ZNF280D: variants seen among roughly 807,000 people sequenced by gnomAD.
ZNF280D encodes zinc finger protein 280D.
ZNF280D carries 39 observed loss-of-function variants against 94.7 expected under a neutral mutation model. The observed-to-expected ratio is 0.41, with a 90% CI of 0.32 to 0.54. The LOEUF is 0.54. Ranked by LOEUF, ZNF280D falls within the 20% of genes least tolerant of loss-of-function variation. ZNF280D has a pLI of 0.22. For missense variants in ZNF280D, 1,090 were observed against 1,149.3 expected, an observed-to-expected ratio of 0.95 and a Z score of 0.75; for synonymous variants, 398 against 377.6, an observed-to-expected ratio of 1.05 and a Z score of -0.63.
intron 16 of ZNF280D, among the ~76,000 whole-genome samples, chr15:56,665,651 T>C (rs1390173257): frequency 7.4e-6 from 1 of 135,802 alleles, no homozygotes; most frequent in African/African-American, 2.7e-5. Context: ...AAGTGACTGC[T>C]TTAAAGAGGA....
At chr15:56,723,620 GT>G (rs1374995874) in intron 1 of ZNF280D, among the ~76,000 whole-genome samples, 2 of 151,992 alleles carry the variant, frequency 1.3e-5, no homozygotes, top group Non-Finnish European at 2.9e-5. Flanking sequence ...ATCCCTGGAG[GT>G]TTTTTTCAAT....
chr15:56,651,743 T>C (rs1396495779), intron 19 of ZNF280D, among the ~76,000 whole-genome samples: 4 of 152,096 alleles, frequency 2.6e-5, no homozygotes, highest in African/African-American at 9.7e-5. Flanking sequence ...TATTGTATTG[T>C]TTTTTATTTG....
chr15:56,667,198 TC>T (rs1165557284), intron 14 of ZNF280D, among the ~76,000 whole-genome samples: 2 of 152,218 alleles, frequency 1.3e-5, no homozygotes, highest in African/African-American at 4.8e-5. Flanking sequence ...TGTATTGATA[TC>T]AGTTATATGT....
At chr15:56,668,673 T>A (rs1596418433) in intron 14 of ZNF280D, 150 bp downstream of exon 14, 2 of 681,236 alleles carry the variant, frequency 2.9e-6, no homozygotes, top group East Asian at 6.3e-5. Context: ...TGGTTAGAAG[T>A]TTTTCCTTCT....
chr15:56,673,709 C>A (rs989229443), intron 13 of ZNF280D, among the ~76,000 whole-genome samples: 2 of 151,922 alleles, frequency 1.3e-5, no homozygotes, highest in Non-Finnish European at 2.9e-5. Flanking sequence ...TCCTATTATT[C>A]TTCCTCCTAT....
chr15:56,703,736 G>T (rs1174146390), intron 4 of ZNF280D, among the ~76,000 whole-genome samples: 1 of 151,794 alleles, frequency 6.6e-6, no homozygotes, highest in Non-Finnish European at 1.5e-5. Flanking sequence ...TGCCTGTAGT[G>T]CCAGCTACTT....
At chr15:56,697,261 T>C (rs1270799624) in intron 6 of ZNF280D, among the ~76,000 whole-genome samples, 1 of 152,112 alleles carries the variant, frequency 6.6e-6, no homozygotes, top group Non-Finnish European at 1.5e-5. Context: ...CTTAGCTCAC[T>C]GCAACCTCCG....
intron 1 of ZNF280D, among the ~76,000 whole-genome samples, chr15:56,718,830 C>G (rs2058185861): frequency 6.6e-6 from 1 of 152,154 alleles, no homozygotes; most frequent in African/African-American, 2.4e-5. Flanking sequence ...CCCCAAAAAC[C>G]CTCCCAATAG....
chr15:56,693,461 ATTAC>A (rs2056542443), intron 6 of ZNF280D, among the ~76,000 whole-genome samples: 1 of 152,028 alleles, frequency 6.6e-6, no homozygotes, highest in South Asian at 2.1e-4. Flanking sequence ...AAAGCAAGCT[ATTAC>A]TTAGAGCTGG....
At chr15:56,645,170 T>C (rs569906262) in intron 19 of ZNF280D, 1 of 152,280 alleles carries the variant, frequency 6.6e-6, no homozygotes, top group African/African-American at 2.4e-5. Context: ...CCTGCTGAAA[T>C]AGTCATTATT....
chr15:56,669,175 A>G (rs151251520), intron 13 of ZNF280D, among the ~76,000 whole-genome samples: 6 of 152,186 alleles, frequency 3.9e-5, no homozygotes, highest in South Asian at 2.1e-4. Context: ...AGAACTGTAC[A>G]TGAAAGTTCT....
intron 21 of ZNF280D, chr15:56,634,183 A>G (rs1201311744): frequency 6.6e-6 from 1 of 152,166 alleles, no homozygotes; most frequent in Non-Finnish European, 1.5e-5. Flanking sequence ...TTAGTGGTAG[A>G]AAGATTCTGA....
chr15:56,690,994 C>T (rs1442532199), intron 7 of ZNF280D, among the ~76,000 whole-genome samples: 3 of 152,262 alleles, frequency 2.0e-5, no homozygotes, highest in South Asian at 4.1e-4. Flanking sequence ...CTCTAAGCCT[C>T]AGTTTGCTTT....
chr15:56,665,793 A>C (rs1291442387), intron 16 of ZNF280D, among the ~76,000 whole-genome samples: 2 of 151,970 alleles, frequency 1.3e-5, no homozygotes, highest in Non-Finnish European at 2.9e-5. Context: ...TTCTGTTGGA[A>C]AGTAACCATT....
chr15:56,690,564 G>A (rs2056368189), intron 7 of ZNF280D, among the ~76,000 whole-genome samples: 1 of 151,894 alleles, frequency 6.6e-6, no homozygotes, highest in African/African-American at 2.4e-5. Context: ...TTTAAATTTT[G>A]CATAAAATTT....
At chr15:56,714,927 T>A (rs1001921124) in intron 1 of ZNF280D, among the ~76,000 whole-genome samples, 2 of 152,138 alleles carry the variant, frequency 1.3e-5, no homozygotes, top group Admixed American at 6.6e-5. Flanking sequence ...AAAAGGATCC[T>A]ATCTCAAAAA....
Position 56,657,759 on chromosome 15 carries a change from A to C in ZNF280D, c.2057+665T>G, listed in dbSNP as rs575379541. 3.9e-5 allele frequency among the ~76,000 whole-genome samples: 6 copies of C among 152,280 alleles called. No individual in the cohort carries two copies. In the South Asian group the frequency reaches 1.2e-3, roughly 32 times the overall value. On this transcript the variant is annotated intron_variant, in intron 17 of 21. Coordinates refer to ENST00000267807, the MANE Select transcript of ZNF280D (RefSeq NM_017661.4). ...ATATGTGGAGAAATTGGAACCCTCA[A>C]ACACTGCTGGTGGGAATGTAAAATA...
chr15:56,669,932 TATATTATATA>T, intron 13 of ZNF280D, among the ~76,000 whole-genome samples: 2 of 10,010 alleles, frequency 2.0e-4, no homozygotes, highest in Admixed American at 2.9e-3. Context: ...ATATTATATA[TATATTATATA>T]TATATATTAT....
chr15:56,666,747 T>C lies in ZNF280D; in HGVS notation c.1785A>G (p.Gln595=), dbSNP rs752212399. 4 of 1,613,574 alleles carry C rather than the reference T, an allele frequency of 2.5e-6. No homozygotes were observed. The highest frequency in any genetic ancestry group is 3.4e-6 in the Non-Finnish European group (4 of 1,179,798). Residue 595 remains glutamine (Q), a synonymous_variant, in exon 15 of 22, where the codon CAA becomes CAG. Coordinates refer to ENST00000267807, the MANE Select transcript of ZNF280D (RefSeq NM_017661.4). ...TACTAGCCAATGTGCTTTGTTTCTT[T>C]TGCATATTAGAGATTTTTGGTTTGT... ...SKYKPKISNM[Q]KKQSTLASSN...
Sources: gnomAD v4.1 joint callset for allele counts (sites outside exome capture counted in the v4.1 genomes callset) on GRCh38, gnomAD v4.1.1 for gene constraint, MANE v1.5 for transcripts, NCBI Gene and HGNC (gene_info 2026-07-23, HGNC 2026-07-21) for gene names.